The following FGF12 variants were observed in gnomAD, a reference collection of about 807,000 sequenced individuals.
The protein encoded by FGF12 is fibroblast growth factor 12B.
A neutral mutation model predicts 23.6 loss-of-function variants in FGF12; 14 were observed. The ratio of observed to expected loss-of-function variants is 0.59; its 90% CI spans 0.39 to 0.93. The LOEUF (loss-of-function observed/expected upper bound fraction) is 0.93. FGF12 is among the 40% of genes least tolerant of loss of function. The pLI is 0.00. For synonymous variants in FGF12, 62 were observed against 77.3 expected (o/e 0.80, Z 1.04); for missense variants, 175 against 217.8 (o/e 0.80, Z 1.24).
intron 4 of FGF12, among the ~76,000 whole-genome samples, chr3:192,184,039 A>G (rs1347446389): frequency 6.6e-6 from 1 of 152,132 alleles, no homozygotes; most frequent in Non-Finnish European, 1.5e-5. Context: ...CCTGGGTAAC[A>G]TGACAAAACT....
chr3:192,277,217 T>A, intron 4 of FGF12, among the ~76,000 whole-genome samples: 1 of 152,196 alleles, frequency 6.6e-6, no homozygotes, highest in East Asian at 1.9e-4. Flanking sequence ...GCTGTCCCTA[T>A]CAAAGAATAG....
intron 4 of FGF12, among the ~76,000 whole-genome samples, chr3:192,174,834 A>C (rs146345361): frequency 6.6e-6 from 1 of 152,000 alleles, no homozygotes; most frequent in Non-Finnish European, 1.5e-5. Flanking sequence ...TAAATTTCAC[A>C]TTTTCAACTG....
At position 192,691,443 on chromosome 3, in the gene FGF12, G is replaced by A. The variant is rs560596022; in HGVS notation, c.13+35738C>T. Among the ~76,000 whole-genome samples, 27 of 151,866 alleles carry A rather than the reference G, an allele frequency of 1.8e-4. No homozygotes were observed. In the East Asian group the frequency reaches 3.7e-3, roughly 21 times the overall value. On this transcript the variant is annotated intron_variant, in intron 2 of 5. Coordinates refer to ENST00000445105, the MANE Select transcript of FGF12 (RefSeq NM_004113.6). ...GTAAATACTTCTAAACAACCGATGA[G>A]TCAAAGAAAAAAATCAAAAGTGAAA...
chr3:192,554,127 C>T (rs1711654305), intron 2 of FGF12, among the ~76,000 whole-genome samples: 1 of 152,202 alleles, frequency 6.6e-6, no homozygotes, highest in Non-Finnish European at 1.5e-5. Context: ...ACTCTATGTA[C>T]TTGCAAGGCA....
chr3:192,360,584 A>T lies in FGF12; in HGVS notation c.14-46T>A. On this transcript the variant is annotated intron_variant, in intron 2 of 5. Coordinates refer to ENST00000445105, the MANE Select transcript of FGF12 (RefSeq NM_004113.6). The surrounding 1 kb of genome is among the most constrained non-coding windows in gnomAD (Gnocchi z 4.3). Reference sequence around the variant, plus strand: ...TCAAATTTTTATTTGGCTTACACAAATGCACACTTACAGATTGTTAAAAAC... The same window carrying T: ...TCAAATTTTTATTTGGCTTACACAATTGCACACTTACAGATTGTTAAAAAC... 7.9e-7 allele frequency: 1 copy of T among 1,271,144 alleles called. No individual in the cohort carries two copies. Among genetic ancestry groups the T allele is most frequent in the Non-Finnish European group, 1.2e-6 (1 of 867,344 alleles). The allele number at this position is 1,271,144 out of a possible 1,614,324, so 78.7% of individuals were successfully genotyped here. A position where few individuals can be genotyped will look rare whatever the true frequency, so the allele number is the denominator to read the frequency against.
intron 5 of FGF12, among the ~76,000 whole-genome samples, chr3:192,155,530 G>T (rs533923550): frequency 7.4e-4 from 112 of 152,242 alleles, no homozygotes; most frequent in African/African-American, 2.6e-3. Flanking sequence ...TTTGTTTTGG[G>T]GGGGAGCTTA....
intron 2 of FGF12, among the ~76,000 whole-genome samples, chr3:192,563,527 A>C (rs1184922799): frequency 1.3e-5 from 2 of 152,214 alleles, no homozygotes; most frequent in Admixed American, 1.3e-4. Context: ...AGAGGAAAAA[A>C]ATCAAGCTAA....
intron 2 of FGF12, among the ~76,000 whole-genome samples, chr3:192,554,294 G>C (rs1711661568): frequency 6.6e-6 from 1 of 152,152 alleles, no homozygotes; most frequent in Non-Finnish European, 1.5e-5. Flanking sequence ...GGAGCTCTCT[G>C]GGGGGAATTG....
At position 192,372,824 on chromosome 3, in the gene FGF12, A is replaced by ACGGC. The variant is rs762227809; in HGVS notation, c.14-12287_14-12286insGCCG. Among the ~76,000 whole-genome samples, 126 of 152,278 alleles carry ACGGC rather than the reference A, an allele frequency of 8.3e-4. 1 individual carries two copies. In the South Asian group the frequency reaches 0.01, roughly 13 times the overall value. ...TACAAGAAAACGTCAGACCCTTAGCATGGCCGGGAGAGCTTTGCACCATCT... is the reference window on the plus strand; with the variant it reads ...TACAAGAAAACGTCAGACCCTTAGCACGGCTGGCCGGGAGAGCTTTGCACCATCT... On this transcript the variant is annotated intron_variant, in intron 2 of 5. Coordinates refer to ENST00000445105, the MANE Select transcript of FGF12 (RefSeq NM_004113.6).
intron 4 of FGF12, among the ~76,000 whole-genome samples, chr3:192,282,284 G>A (rs1351356437): frequency 6.6e-6 from 1 of 152,096 alleles, no homozygotes; most frequent in Non-Finnish European, 1.5e-5. Context: ...GTAAATGAAT[G>A]AATGAGTGAA....
At chr3:192,642,542 G>T (rs1715845828) in intron 2 of FGF12, among the ~76,000 whole-genome samples, 1 of 152,184 alleles carries the variant, frequency 6.6e-6, no homozygotes, top group African/African-American at 2.4e-5. Context: ...CAAAGAAGAA[G>T]TTAGGAAAGA....
intron 2 of FGF12, among the ~76,000 whole-genome samples, chr3:192,576,833 A>T (rs576858101): frequency 2.6e-5 from 4 of 152,340 alleles, no homozygotes; most frequent in South Asian, 2.1e-4. Context: ...TAGACTGGAC[A>T]AAGAAAATGT....
intron 2 of FGF12, among the ~76,000 whole-genome samples, chr3:192,712,537 T>G: frequency 6.6e-6 from 1 of 151,676 alleles, no homozygotes; most frequent in Admixed American, 6.6e-5. Flanking sequence ...AAATAAGAAA[T>G]CAGAATGTTA....
chr3:192,216,544 G>T (rs918233742), intron 4 of FGF12, among the ~76,000 whole-genome samples: 1 of 152,086 alleles, frequency 6.6e-6, no homozygotes, highest in Non-Finnish European at 1.5e-5. Context: ...TTTTTATAAC[G>T]TGTAATAAAC....
intron 2 of FGF12, among the ~76,000 whole-genome samples, chr3:192,378,026 T>TTTTCTTTCTTTCTTTCTTTC (rs202170804): frequency 0.015 from 1,012 of 69,316 alleles, 44 homozygotes; most frequent in Non-Finnish European, 0.019. Context: ...TGACTCTTTC[T>TTTTCTTTCTTTCTTTCTTTC]TTTCTTTCTT....
intron 3 of FGF12, among the ~76,000 whole-genome samples, chr3:192,342,918 G>T (rs1717762801): frequency 6.6e-6 from 1 of 151,700 alleles, no homozygotes; most frequent in South Asian, 2.1e-4. Flanking sequence ...AAAGGTAACA[G>T]TCAATCCAAA....
intron 4 of FGF12, among the ~76,000 whole-genome samples, chr3:192,214,217 A>G (rs1560195180): frequency 6.6e-6 from 1 of 152,216 alleles, no homozygotes; most frequent in Admixed American, 6.5e-5. Flanking sequence ...TAACCACGTG[A>G]GATCAGTGTT....
At chr3:192,239,470 C>T (rs921641538) in intron 4 of FGF12, among the ~76,000 whole-genome samples, 15 of 152,144 alleles carry the variant, frequency 9.9e-5, no homozygotes, top group African/African-American at 3.1e-4. Context: ...AACAATAGCT[C>T]TTCAAGTGTG....
At chr3:192,716,611 G>A (rs534876012) in intron 2 of FGF12, among the ~76,000 whole-genome samples, 4 of 152,284 alleles carry the variant, frequency 2.6e-5, no homozygotes, top group African/African-American at 9.6e-5. Context: ...TTTAAGGAAA[G>A]AATCCAGCCC....
Sources: gnomAD v4.1 joint callset for allele counts (sites outside exome capture counted in the v4.1 genomes callset) on GRCh38, gnomAD v4.1.1 for gene constraint, Gnocchi (gnomAD v3.1) non-coding constraint, MANE v1.5 for transcripts, NCBI Gene and HGNC (gene_info 2026-07-23, HGNC 2026-07-21) for gene names.